Variants in PTTG1IP observed in about 807,000 individuals in gnomAD.
PTTG1IP encodes PTTG1 interacting protein, also known as pituitary tumor-transforming gene 1 protein-interacting protein.
Under a neutral mutation model 24.4 loss-of-function variants are expected in PTTG1IP, and 16 were observed. The ratio of observed to expected loss-of-function variants is 0.66; its 90% CI spans 0.44 to 1.00. PTTG1IP has a LOEUF of 1.00. Among genes scored for constraint, PTTG1IP ranks in the 50% least tolerant of loss-of-function variants. PTTG1IP has a pLI of 0.00. For missense variants in PTTG1IP, 241 were observed against 245.8 expected, an observed-to-expected ratio of 0.98 and a Z score of 0.13; for synonymous variants, 89 against 96.8, an observed-to-expected ratio of 0.92 and a Z score of 0.47.
chr21:44,862,992 G>C (rs1270813411), intron 2 of PTTG1IP, among the ~76,000 whole-genome samples: 2 of 151,774 alleles, frequency 1.3e-5, no homozygotes, highest in South Asian at 2.1e-4. Context: ...GTGTTCTCTG[G>C]TGGTTGTGCT....
At chr21:44,855,363 T>C in intron 4 of PTTG1IP, 107 bp from the exon 5 acceptor site, 1 of 1,221,922 alleles carries the variant, frequency 8.2e-7, no homozygotes, top group South Asian at 1.2e-5. Flanking sequence ...TTTCTTCTGG[T>C]GGCTTCCCTC....
At chr21:44,869,883 C>T (rs1000840211) in intron 1 of PTTG1IP, among the ~76,000 whole-genome samples, 8 of 152,210 alleles carry the variant, frequency 5.3e-5, no homozygotes, top group Non-Finnish European at 8.8e-5. Context: ...ACAGTGGCTA[C>T]AAGTGACAGG....
intron 4 of PTTG1IP, 93 bp from the exon 5 acceptor site, chr21:44,855,349 C>T (rs1051495480): frequency 2.9e-6 from 4 of 1,365,604 alleles, no homozygotes; most frequent in Middle Eastern, 1.8e-4. Context: ...GTGGGGGCGC[C>T]AGGTTTCTTC....
chr21:44,851,545 T>C lies in PTTG1IP; in HGVS notation c.*36A>G, dbSNP rs2236442. The C allele has an allele frequency of 0.084, 136,099 of 1,613,166 alleles. 5,967 individuals are homozygous for C. The highest frequency in any genetic ancestry group is 0.088 in the Non-Finnish European group (104,173 of 1,179,170). On this transcript the variant is annotated 3_prime_UTR_variant, in exon 6 of 6. Coordinates refer to ENST00000330938, the MANE Select transcript of PTTG1IP (RefSeq NM_004339.4). ...TGGGCTGGGCTGCGGAGCGTGCACC[T>C]CACAGGAAGCGTCGGGACTGATGTG...
At chr21:44,872,074 C>T (rs1348540944) in intron 1 of PTTG1IP, among the ~76,000 whole-genome samples, 1 of 152,232 alleles carries the variant, frequency 6.6e-6, no homozygotes, top group East Asian at 1.9e-4. Context: ...GACACTCCCG[C>T]TTTCACAATG....
In PTTG1IP at chr21:44,855,384, A is replaced by G. The variant is rs761240227; in HGVS notation, c.450-128T>C. The G allele has an allele frequency of 5.2e-5, 50 of 966,202 alleles. No homozygotes were observed. The Middle Eastern group carries it at 8.8e-4, about 17-fold the overall frequency. The allele number at this position is 966,202 out of a possible 1,614,324, so 59.9% of individuals were successfully genotyped here. ...CTGGTGGCTTCCCTCCAGTTCCCAG[A>G]GTGAAACCAGGGTGAGGACAAGCTT... On this transcript the variant is annotated intron_variant, in intron 4 of 5. Coordinates refer to ENST00000330938, the MANE Select transcript of PTTG1IP (RefSeq NM_004339.4).
At chr21:44,865,583 C>T (rs1359140697) in intron 1 of PTTG1IP, 136 bp from the exon 2 acceptor site, 1 of 842,798 alleles carries the variant, frequency 1.2e-6, no homozygotes, top group Non-Finnish European at 2.0e-6. Context: ...AATGAAGGTC[C>T]TCTTCCTGAG....
Position 44,851,425 on chromosome 21 carries a change from T to A in PTTG1IP, c.*156A>T. The A allele has an allele frequency of 6.3e-7, 1 of 1,592,942 alleles. No individual in the cohort carries two copies. Among genetic ancestry groups the A allele is most frequent in the Non-Finnish European group, 8.5e-7 (1 of 1,173,136 alleles). On this transcript the variant is annotated 3_prime_UTR_variant, in exon 6 of 6. Coordinates refer to ENST00000330938, the MANE Select transcript of PTTG1IP (RefSeq NM_004339.4). The stretch of plus-strand genomic sequence containing the variant: ...ACCAGTCTGCAAGACGAGAGGACTG[T>A]CCTTCAGGGGCAGCTCTCCGGCCGC...
At chr21:44,862,544 G>A (rs374659847) in intron 2 of PTTG1IP, among the ~76,000 whole-genome samples, 1 of 152,060 alleles carries the variant, frequency 6.6e-6, no homozygotes, top group Non-Finnish European at 1.5e-5. Context: ...AAGAACTGCC[G>A]TTCGGCAGCA....
chr21:44,865,537 G>C, intron 1 of PTTG1IP, 90 bp from the exon 2 acceptor site: 1 of 1,322,482 alleles, frequency 7.6e-7, no homozygotes, highest in South Asian at 1.2e-5. Context: ...ACCAGTGAGG[G>C]GTGTGGCACC....
At chr21:44,864,159 G>C (rs1321202681) in intron 2 of PTTG1IP, among the ~76,000 whole-genome samples, 1 of 152,226 alleles carries the variant, frequency 6.6e-6, no homozygotes, top group African/African-American at 2.4e-5. Context: ...GGGTGGGCGA[G>C]ATCAGGAATC....
At position 44,865,518 on chromosome 21, in the gene PTTG1IP, A is replaced by T. The variant is rs1452948118; in HGVS notation, c.116-71T>A. The T allele has an allele frequency of 7.2e-6, 11 of 1,521,696 alleles. No individual in the cohort carries two copies. The Admixed American group carries it at 1.9e-4, about 26-fold the overall frequency. 94.3% of individuals were successfully genotyped at this position (1,521,696 alleles called of 1,614,324 possible). The stretch of plus-strand genomic sequence containing the variant: ...AGTGTAAATATTAGTCCAGCAGGGC[A>T]GGGTGGGCACCAGTGAGGGGTGTGG... On this transcript the variant is annotated intron_variant, in intron 1 of 5. Transcript: ENST00000330938.
At chr21:44,858,362 G>GGAGGGCCCT (rs1188476031) in intron 3 of PTTG1IP, among the ~76,000 whole-genome samples, 1 of 152,214 alleles carries the variant, frequency 6.6e-6, no homozygotes, top group Non-Finnish European at 1.5e-5. Flanking sequence ...GGTGAAATCA[G>GGAGGGCCCT]GAGGGCCCTG....
At chr21:44,854,944 A>G (rs149741168) in intron 5 of PTTG1IP, among the ~76,000 whole-genome samples, 170 of 152,376 alleles carry the variant, frequency 1.1e-3, no homozygotes, top group South Asian at 9.1e-3. Context: ...CTTCCAGCCC[A>G]GAAGTCTTGG....
chr21:44,858,345 G>A (rs531609256), intron 3 of PTTG1IP, among the ~76,000 whole-genome samples: 2 of 152,188 alleles, frequency 1.3e-5, no homozygotes, highest in South Asian at 2.1e-4. Flanking sequence ...TGTGCGCCGC[G>A]GCATCTGGTG....
In PTTG1IP at chr21:44,851,335, C is replaced by T; in HGVS notation, c.*246G>A. ...TGAGAAGAGTATAAAAAAGCCCAAACCCCAAAGATTTCTTATTTCAAGTGA... is the reference window on the plus strand; with the variant it reads ...TGAGAAGAGTATAAAAAAGCCCAAATCCCAAAGATTTCTTATTTCAAGTGA... On this transcript the variant is annotated 3_prime_UTR_variant, in exon 6 of 6. Transcript: ENST00000330938. The T allele has an allele frequency of 4.7e-6, 7 of 1,499,840 alleles. No individual in the cohort carries two copies. Among genetic ancestry groups the T allele is most frequent in the Non-Finnish European group, 6.2e-6 (7 of 1,121,560 alleles). The allele number at this position is 1,499,840 out of a possible 1,614,324, so 92.9% of individuals were successfully genotyped here.
At chr21:44,859,811 A>T (rs2083476699) in intron 3 of PTTG1IP, among the ~76,000 whole-genome samples, 1 of 152,202 alleles carries the variant, frequency 6.6e-6, no homozygotes, top group Admixed American at 6.5e-5. Flanking sequence ...CCTCAACACC[A>T]GCAACAAGTT....
chr21:44,857,683 G>A (rs946309507), intron 3 of PTTG1IP, among the ~76,000 whole-genome samples: 20 of 152,334 alleles, frequency 1.3e-4, no homozygotes, highest in African/African-American at 3.4e-4. Context: ...CAAGGAGGCC[G>A]ACGGCCAGGC....
intron 3 of PTTG1IP, among the ~76,000 whole-genome samples, chr21:44,856,931 C>T (rs906857114): frequency 1.3e-5 from 2 of 152,180 alleles, no homozygotes; most frequent in African/African-American, 4.8e-5. Flanking sequence ...GGATCATCTT[C>T]AAATCTGAGT....
Sources: gnomAD v4.1 joint callset for allele counts (sites outside exome capture counted in the v4.1 genomes callset) on GRCh38, gnomAD v4.1.1 for gene constraint, MANE v1.5 for transcripts, NCBI Gene and HGNC (gene_info 2026-07-23, HGNC 2026-07-21) for gene names.